JMJD1C: variants seen among roughly 807,000 people sequenced by gnomAD.
JMJD1C encodes the protein jumonji domain containing 1C, also known as jumonji domain-containing protein 1C.
Under a neutral mutation model 245.3 loss-of-function variants are expected in JMJD1C, and 31 were observed. The ratio of observed to expected loss-of-function variants is 0.13; its 90% confidence interval spans 0.09 to 0.17. The LOEUF is 0.17. Among genes scored for constraint, JMJD1C ranks in the 10% least tolerant of loss-of-function variants. The probability of loss-of-function intolerance (pLI) is 1.00; values close to 1 mark genes in which losing one functional copy is unlikely to be tolerated. For missense variants in JMJD1C, 2,691 were observed against 3,000.2 expected, an observed-to-expected ratio of 0.90 and a Z score of 2.41; for synonymous variants, 1,057 against 1,017.4, an observed-to-expected ratio of 1.04 and a Z score of -0.74.
chr10:63,326,425 TAAAG>T (rs377437192), intron 2 of JMJD1C, among the ~76,000 whole-genome samples: 1,535 of 139,340 alleles, frequency 0.011, 11 homozygotes, highest in Middle Eastern at 0.034. Context: ...AATAAATAAA[TAAAG>T]ATAATAAAAT....
chr10:63,321,129 A>G (rs1940804868), intron 2 of JMJD1C, among the ~76,000 whole-genome samples: 1 of 152,218 alleles, frequency 6.6e-6, no homozygotes. Context: ...CAGGGATGAA[A>G]GTTCCTGTTC....
chr10:63,168,844 T>G (rs1160661892), intron 24 of JMJD1C, among the ~76,000 whole-genome samples: 1 of 148,262 alleles, frequency 6.7e-6, no homozygotes, highest in Non-Finnish European at 1.5e-5. Flanking sequence ...AACCAGATAT[T>G]AAATTATCAA....
chr10:63,327,890 G>T (rs1941706974), intron 2 of JMJD1C, among the ~76,000 whole-genome samples: 1 of 151,898 alleles, frequency 6.6e-6, no homozygotes, highest in Admixed American at 6.6e-5. Context: ...GGCTGGTCTT[G>T]AACTCCTGAC....
chr10:63,477,807 G>C (rs920133722), intron 1 of JMJD1C, among the ~76,000 whole-genome samples: 1 of 151,784 alleles, frequency 6.6e-6, no homozygotes, highest in East Asian at 1.9e-4. Flanking sequence ...CACAGGGTGA[G>C]GTAAAATATT....
intron 2 of JMJD1C, among the ~76,000 whole-genome samples, chr10:63,307,700 GA>G (rs1173333161): frequency 6.7e-6 from 1 of 148,622 alleles, no homozygotes; most frequent in Middle Eastern, 3.4e-3. Context: ...AGCCATTTAA[GA>G]AAAAAAAAAT....
At chr10:63,217,175 A>T (rs778343723) in intron 5 of JMJD1C, 32 bp downstream of exon 5, 1 of 1,582,968 alleles carries the variant, frequency 6.3e-7, no homozygotes, top group Non-Finnish European at 8.6e-7. Context: ...AACTTTTAAA[A>T]TCTCTATAAA....
intron 1 of JMJD1C, among the ~76,000 whole-genome samples, chr10:63,435,924 G>A (rs1185188331): frequency 6.6e-6 from 1 of 152,070 alleles, no homozygotes; most frequent in Non-Finnish European, 1.5e-5. Flanking sequence ...AAAAGAGTGT[G>A]GCAAAATACT....
intron 1 of JMJD1C, among the ~76,000 whole-genome samples, chr10:63,433,226 A>C (rs957251364): frequency 1.3e-5 from 2 of 151,854 alleles, no homozygotes; most frequent in Non-Finnish European, 2.9e-5. Context: ...CCTCCCGAGT[A>C]GCTGGGATTA....
intron 22 of JMJD1C, among the ~76,000 whole-genome samples, chr10:63,181,362 C>T (rs1441093115): frequency 2.0e-5 from 3 of 152,120 alleles, no homozygotes; most frequent in African/African-American, 4.8e-5. Flanking sequence ...AAGAGAATGA[C>T]TGGCTAGAGC....
rs747987151 is a variant in JMJD1C, at chr10:63,214,597, C to T, written c.1570G>A (p.Glu524Lys). Reference protein sequence around the residue: ...NDTNLEKVAQENSSTFGLQTL... With the variant: ...NDTNLEKVAQKNSSTFGLQTL... ...TGAAGGCCAAAGGTACTTGAGTTTT[C>T]CTGAGCCACCTTTTCTAAATTAGTG... Residue 524 changes from glutamate to lysine, a missense_variant, in exon 8 of 26, where the codon GAA becomes AAA. Coordinates refer to ENST00000399262, the MANE Select transcript of JMJD1C (RefSeq NM_032776.3). The T allele has an allele frequency of 1.2e-6, 2 of 1,614,100 alleles. No homozygotes were observed. The highest frequency in any genetic ancestry group is 1.7e-6 in the Non-Finnish European group (2 of 1,179,988).
intron 2 of JMJD1C, among the ~76,000 whole-genome samples, chr10:63,369,964 T>G (rs183671485): frequency 6.6e-6 from 1 of 152,320 alleles, no homozygotes; most frequent in East Asian, 1.9e-4. Context: ...GAACTAAAGT[T>G]ATTAGTCTGA....
intron 1 of JMJD1C, among the ~76,000 whole-genome samples, chr10:63,464,242 A>G (rs968502137): frequency 2.0e-5 from 3 of 152,224 alleles, no homozygotes; most frequent in African/African-American, 7.2e-5. Context: ...ACCTATCAGC[A>G]AAACACACCT....
chr10:63,254,017 AT>A (rs1213360474), intron 3 of JMJD1C, among the ~76,000 whole-genome samples: 4 of 152,202 alleles, frequency 2.6e-5, no homozygotes, highest in Non-Finnish European at 4.4e-5. Flanking sequence ...AGATTATTTA[AT>A]GACTAAGGAC....
intron 2 of JMJD1C, among the ~76,000 whole-genome samples, chr10:63,316,276 A>T (rs978949168): frequency 6.6e-6 from 1 of 152,226 alleles, no homozygotes; most frequent in Admixed American, 6.5e-5. Flanking sequence ...AGAAGTACGC[A>T]GTAATTTTCA....
At chr10:63,402,956 G>A (rs1467636541) in intron 1 of JMJD1C, among the ~76,000 whole-genome samples, 2 of 152,080 alleles carry the variant, frequency 1.3e-5, no homozygotes, top group Non-Finnish European at 2.9e-5. Context: ...CTTACTCTAC[G>A]GATCAGTATG....
At chr10:63,218,304 C>T (rs1469765637) in intron 4 of JMJD1C, among the ~76,000 whole-genome samples, 1 of 151,910 alleles carries the variant, frequency 6.6e-6, no homozygotes, top group Admixed American at 6.6e-5. Flanking sequence ...CCTTTGCCAG[C>T]TTTAAATATA....
chr10:63,500,177 TG>T (rs1954500734), intron 1 of JMJD1C, among the ~76,000 whole-genome samples: 1 of 152,176 alleles, frequency 6.6e-6, no homozygotes, highest in African/African-American at 2.4e-5. Context: ...ATCCCAGCAC[TG>T]TGGGAGGCCG....
chr10:63,521,256 G>GGCCCGGGCCAACGCGCCGCC (rs1484660639), intron 1 of JMJD1C: 3 of 151,488 alleles, frequency 2.0e-5, no homozygotes, highest in African/African-American at 7.3e-5. Context: ...CCCCAGCCCT[G>GGCCCGGGCCAACGCGCCGCC]GCCCGGGCCA....
chr10:63,187,017 G>A (rs1282706936), intron 18 of JMJD1C, among the ~76,000 whole-genome samples: 2 of 152,000 alleles, frequency 1.3e-5, no homozygotes, highest in Non-Finnish European at 2.9e-5. Flanking sequence ...GCAAAACCCT[G>A]TCTCCAGAAA....
Sources: allele counts gnomAD v4.1 joint callset (sites outside exome capture counted in the v4.1 genomes callset), GRCh38; gene constraint gnomAD v4.1.1; transcripts MANE v1.5; gene names NCBI Gene and HGNC (gene_info 2026-07-23, HGNC 2026-07-21).